SLCO3A1: variants seen among roughly 807,000 people sequenced by gnomAD.
SLCO3A1 encodes the protein solute carrier organic anion transporter family member 3A1, also known as PGE1 transporter.
A neutral mutation model predicts 63.1 loss-of-function variants in SLCO3A1; 27 were observed. The ratio of observed to expected loss-of-function variants is 0.43; its 90% CI spans 0.32 to 0.59. The LOEUF (loss-of-function observed/expected upper bound fraction) is 0.59. Ranked by LOEUF, SLCO3A1 falls within the 20% of genes least tolerant of loss-of-function variation. The pLI is 0.09. For synonymous variants in SLCO3A1, 473 were observed against 409.9 expected (o/e 1.15, Z -1.86); for missense variants, 773 against 945.8 (o/e 0.82, Z 2.40).
intron 1 of SLCO3A1, among the ~76,000 whole-genome samples, chr15:91,908,299 C>A (rs1898376428): frequency 1.3e-5 from 2 of 150,592 alleles, no homozygotes. Context: ...GATTCTTACT[C>A]TGCTTTTTAA....
chr15:91,926,600 C>CGCGCGCGCGCGCGT (rs1281341560), intron 2 of SLCO3A1, among the ~76,000 whole-genome samples: 13 of 26,766 alleles, frequency 4.9e-4, no homozygotes, highest in African/African-American at 2.6e-3. Context: ...TGTGTGTGCG[C>CGCGCGCGCGCGCGT]GCGCGCACGC....
intron 1 of SLCO3A1, among the ~76,000 whole-genome samples, chr15:91,911,614 A>C (rs570584822): frequency 2.0e-5 from 3 of 152,062 alleles, no homozygotes; most frequent in Non-Finnish European, 4.4e-5. Context: ...ATACGTATCT[A>C]TATCTATATA....
chr15:91,932,927 G>T (rs1899286460), intron 2 of SLCO3A1, among the ~76,000 whole-genome samples: 2 of 152,286 alleles, frequency 1.3e-5, no homozygotes, highest in South Asian at 4.1e-4. Flanking sequence ...GGTGTTAACA[G>T]CTATGCTTGG....
chr15:92,144,335 G>GAAAC (rs1457478045), intron 7 of SLCO3A1, among the ~76,000 whole-genome samples: 1 of 152,170 alleles, frequency 6.6e-6, no homozygotes, highest in East Asian at 1.9e-4. Flanking sequence ...ATGGTCCAGG[G>GAAAC]AAACAGAGAA....
At chr15:91,951,117 G>A (rs1420085513) in intron 2 of SLCO3A1, among the ~76,000 whole-genome samples, 1 of 152,088 alleles carries the variant, frequency 6.6e-6, no homozygotes, top group Non-Finnish European at 1.5e-5. Context: ...AAATTGTAAA[G>A]TCCTGTGGTT....
intron 2 of SLCO3A1, among the ~76,000 whole-genome samples, chr15:92,028,137 C>G (rs1000058031): frequency 1.3e-5 from 2 of 152,134 alleles, no homozygotes; most frequent in Non-Finnish European, 2.9e-5. Context: ...ACCAGAGTCT[C>G]TTGTGGAGGA....
At chr15:91,896,287 A>G (rs981243138) in intron 1 of SLCO3A1, among the ~76,000 whole-genome samples, 4 of 152,242 alleles carry the variant, frequency 2.6e-5, no homozygotes, top group African/African-American at 9.6e-5. Context: ...ATGAGGACTC[A>G]GAGTGATGGC....
At chr15:91,998,586 C>T (rs2387401) in intron 2 of SLCO3A1, among the ~76,000 whole-genome samples, 43,951 of 152,082 alleles carry the variant, frequency 0.29, 6,969 homozygotes, top group African/African-American at 0.4. Flanking sequence ...AGAACCACAA[C>T]GAGATACCAT....
At chr15:92,109,521 A>G (rs185868182) in intron 4 of SLCO3A1, among the ~76,000 whole-genome samples, 56 of 152,290 alleles carry the variant, frequency 3.7e-4, no homozygotes, top group African/African-American at 1.3e-3. Context: ...TCTAGCTGGG[A>G]TGAGTGTAAC....
chr15:91,974,463 C>T (rs1901017192), intron 2 of SLCO3A1, among the ~76,000 whole-genome samples: 1 of 151,986 alleles, frequency 6.6e-6, no homozygotes, highest in Admixed American at 6.5e-5. Context: ...CCTGGAGAAA[C>T]AGAGGAGGGT....
chr15:91,976,687 C>G (rs1181706727), intron 2 of SLCO3A1, among the ~76,000 whole-genome samples: 1 of 151,976 alleles, frequency 6.6e-6, no homozygotes, highest in East Asian at 1.9e-4. Context: ...GGACAGAGTA[C>G]AAAAGAGAGA....
intron 2 of SLCO3A1, among the ~76,000 whole-genome samples, chr15:92,004,106 G>A (rs1597210957): frequency 6.6e-6 from 1 of 152,200 alleles, no homozygotes; most frequent in South Asian, 2.1e-4. Context: ...TCTGGGAGAG[G>A]CTCTCTGGGG....
intron 2 of SLCO3A1, among the ~76,000 whole-genome samples, chr15:92,037,867 T>C (rs2046747639): frequency 6.6e-6 from 1 of 152,198 alleles, no homozygotes; most frequent in African/African-American, 2.4e-5. Flanking sequence ...TCTGGCAAGG[T>C]TGTGACTTTA....
Position 92,073,548 on chromosome 15 carries a change from A to T in SLCO3A1, c.647-21333A>T, listed in dbSNP as rs146760794. Among the ~76,000 whole-genome samples the T allele has an allele frequency of 2.3e-3, 351 of 152,328 alleles. 1 individual carries two copies. The highest frequency in any genetic ancestry group is 7.6e-3 in the African/African-American group (315 of 41,580). ...TAAGTACCAAATGACAAGCCATATT[A>T]AACAGATCCCAGTGAGCTCCCCACA... is the stretch of plus-strand genomic sequence containing the variant. On this transcript the variant is annotated intron_variant, in intron 2 of 9. Coordinates refer to ENST00000318445, the MANE Select transcript of SLCO3A1 (RefSeq NM_013272.4).
chr15:91,986,224 G>A (rs2046050979), intron 2 of SLCO3A1, among the ~76,000 whole-genome samples: 1 of 152,162 alleles, frequency 6.6e-6, no homozygotes, highest in Admixed American at 6.5e-5. Context: ...GGGGTGTGAT[G>A]GTGGGCAAGC....
intron 2 of SLCO3A1, among the ~76,000 whole-genome samples, chr15:92,058,162 TGTGA>T (rs1309243796): frequency 4.6e-5 from 7 of 151,432 alleles, no homozygotes; most frequent in African/African-American, 7.4e-5. Context: ...CGTGAGAGTG[TGTGA>T]GTGTGTGTGT....
At chr15:91,964,384 G>C (rs1191445114) in intron 2 of SLCO3A1, among the ~76,000 whole-genome samples, 2 of 151,416 alleles carry the variant, frequency 1.3e-5, no homozygotes, top group African/African-American at 4.9e-5. Flanking sequence ...AAATGTATTT[G>C]TTCGACTGAC....
At chr15:92,144,877 G>T (rs908049961) in intron 7 of SLCO3A1, among the ~76,000 whole-genome samples, 1 of 152,196 alleles carries the variant, frequency 6.6e-6, no homozygotes, top group South Asian at 2.1e-4. Context: ...CTGGGCTAAA[G>T]ATGATTAAAT....
chr15:92,145,072 G>C (rs757327742), intron 7 of SLCO3A1, among the ~76,000 whole-genome samples: 2 of 152,170 alleles, frequency 1.3e-5, no homozygotes, highest in Non-Finnish European at 2.9e-5. Context: ...AGCCAAACAA[G>C]GGAGTGATGA....
Sources: allele counts gnomAD v4.1 joint callset (sites outside exome capture counted in the v4.1 genomes callset), GRCh38; gene constraint gnomAD v4.1.1; transcripts MANE v1.5; gene names NCBI Gene and HGNC (gene_info 2026-07-23, HGNC 2026-07-21).